KCMF1: variants seen among roughly 807,000 people sequenced by gnomAD.
The protein encoded by KCMF1 is E3 ubiquitin-protein ligase KCMF1.
A neutral mutation model predicts 41.1 loss-of-function variants in KCMF1; 3 were observed. That is an observed-to-expected ratio of 0.07 (90% CI 0.03 to 0.19). KCMF1 has a LOEUF of 0.19. Ranked by LOEUF, KCMF1 falls within the 10% of genes least tolerant of loss-of-function variation. KCMF1 has a pLI of 1.00. For missense variants in KCMF1, 286 were observed against 488.9 expected (o/e 0.58, Z 3.91); for synonymous variants, 142 against 164.5 (o/e 0.86, Z 1.04).
intron 1 of KCMF1, among the ~76,000 whole-genome samples, chr2:85,002,111 TTAATAACA>T (rs1378338190): frequency 6.6e-6 from 1 of 152,222 alleles, no homozygotes; most frequent in Non-Finnish European, 1.5e-5. Context: ...ATTGATTATA[TTAATAACA>T]TTATTGCAAA....
intron 1 of KCMF1, among the ~76,000 whole-genome samples, chr2:84,982,365 A>T (rs759131017): frequency 2.7e-4 from 34 of 126,558 alleles, no homozygotes; most frequent in Admixed American, 9.7e-4. Context: ...TATATAAAGG[A>T]GTTACAGATG....
intron 2 of KCMF1, among the ~76,000 whole-genome samples, chr2:85,032,347 TTTTTATTTTTATTTTA>T (rs555472957): frequency 0.011 from 1,638 of 151,366 alleles, 24 homozygotes; most frequent in African/African-American, 0.036. Flanking sequence ...AATTTTTTTA[TTTTTATTTTTATTTTA>T]TTTTATTTTT....
chr2:84,973,973 G>A (rs553435195), intron 1 of KCMF1, among the ~76,000 whole-genome samples: 132 of 151,766 alleles, frequency 8.7e-4, no homozygotes, highest in African/African-American at 2.8e-3. Context: ...GATTACAGGC[G>A]CCTGCCACCA....
intron 1 of KCMF1, among the ~76,000 whole-genome samples, chr2:84,984,221 A>G (rs1673839644): frequency 6.6e-6 from 1 of 151,982 alleles, no homozygotes; most frequent in African/African-American, 2.4e-5. Flanking sequence ...GTAAATAAAT[A>G]ATAGAAGTTT....
At chr2:84,981,312 C>T (rs1673742948) in intron 1 of KCMF1, among the ~76,000 whole-genome samples, 1 of 151,916 alleles carries the variant, frequency 6.6e-6, no homozygotes, top group African/African-American at 2.4e-5. Context: ...GCCTCAGCCT[C>T]CCAAGTAGCT....
chr2:84,977,981 G>A (rs1019396620), intron 1 of KCMF1, among the ~76,000 whole-genome samples: 2 of 151,524 alleles, frequency 1.3e-5, no homozygotes, highest in Non-Finnish European at 2.9e-5. Context: ...TTTAGTCTGA[G>A]ATTTTAAGAT....
intron 2 of KCMF1, 32 bp downstream of exon 2, chr2:85,028,088 A>T (rs1675156856): frequency 7.0e-7 from 1 of 1,422,208 alleles, no homozygotes; most frequent in Non-Finnish European, 9.7e-7. Context: ...GAATTACATC[A>T]TTTAGAATTT....
chr2:85,050,075 T>C (rs965917269), intron 6 of KCMF1, among the ~76,000 whole-genome samples: 1 of 152,140 alleles, frequency 6.6e-6, no homozygotes, highest in African/African-American at 2.4e-5. Context: ...GCTTGAGCCC[T>C]GGAGACAGAG....
chr2:85,012,397 G>C (rs1376908986), intron 1 of KCMF1, among the ~76,000 whole-genome samples: 1 of 152,072 alleles, frequency 6.6e-6, no homozygotes, highest in African/African-American at 2.4e-5. Flanking sequence ...TTTAAATTTT[G>C]TATAATTATA....
chr2:84,971,476 A>G lies in KCMF1; in HGVS notation c.16+9A>G. On this transcript the variant is annotated intron_variant, in intron 1 of 6. Coordinates refer to ENST00000409785, the MANE Select transcript of KCMF1 (RefSeq NM_020122.5). ...GATGTCCCGACATGAAGGTGAGAGG[A>G]GCCCCCGCCCCCACCCGCACCTCCC... The G allele has an allele frequency of 7.9e-7, 1 of 1,268,804 alleles. No homozygotes were observed. The highest frequency in any genetic ancestry group is 1.0e-6 in the Non-Finnish European group (1 of 984,634). The allele number at this position is 1,268,804 out of a possible 1,614,324, so 78.6% of individuals were successfully genotyped here.
At chr2:84,998,952 ATCTATCTATCTATCTGTCTGTCTG>A (rs1674253270) in intron 1 of KCMF1, among the ~76,000 whole-genome samples, 8 of 104,318 alleles carry the variant, frequency 7.7e-5, no homozygotes, top group Admixed American at 3.7e-4. Context: ...CTATCTATCT[ATCTATCTATCTATCTGTCTGTCTG>A]TCTATCTACC....
intron 1 of KCMF1, among the ~76,000 whole-genome samples, chr2:85,004,631 A>T (rs1249679852): frequency 6.6e-6 from 1 of 152,022 alleles, no homozygotes; most frequent in Non-Finnish European, 1.5e-5. Context: ...AGAACAACTG[A>T]ATTTTTTGGA....
chr2:85,016,081 T>G (rs942934488), intron 1 of KCMF1, among the ~76,000 whole-genome samples: 2 of 152,200 alleles, frequency 1.3e-5, no homozygotes, highest in African/African-American at 2.4e-5. Context: ...TTAAATGTTT[T>G]AAATGCTGAA....
rs944168469 is a variant in KCMF1 at position 85,021,761 on chromosome 2, G to A, written c.17-6128G>A. ...GAAATTGAGCAGAGAACATTGATTT[G>A]TCTAAGTGCTTATTGTTAATGGCTA... On this transcript the variant is annotated intron_variant, in intron 1 of 6. Transcript: ENST00000409785. 2.0e-5 allele frequency among the ~76,000 whole-genome samples: 3 copies of A among 152,128 alleles called. No homozygotes were observed. In the East Asian group the frequency reaches 5.8e-4, roughly 29 times the overall value.
In KCMF1 at chr2:85,046,252, A is replaced by G. The variant is rs1379263069; in HGVS notation, c.575A>G (p.Asn192Ser). ...SSSQSSYSPS[N>S]REAMDPIAEL... ...TCTCAGAGTTCATATTCTCCAAGCA[A>G]TAGGGAAGCCATGGATCCTATAGCT... Residue 192 changes from asparagine to serine, a missense_variant, in exon 5 of 7, where the codon AAT becomes AGT. Asn to Ser is a conservative substitution (Grantham distance 46, BLOSUM62 1). This residue lies in a region of KCMF1 where 191 missense variants were observed against 279.3 expected (regional missense o/e 0.68). Transcript: ENST00000409785. 1.9e-6 allele frequency: 3 copies of G among 1,612,948 alleles called. No individual in the cohort carries two copies. The highest frequency in any genetic ancestry group is 3.3e-5 in the Admixed American group (2 of 59,866).
rs1490958183 is a variant in KCMF1, at chr2:85,056,421, A to G, written c.*3012A>G. 6.6e-6 allele frequency: 1 copy of G among 152,184 alleles called. No individual in the cohort carries two copies. Among genetic ancestry groups the G allele is most frequent in the African/African-American group, 2.4e-5 (1 of 41,454 alleles). The allele number at this position is 152,184 out of a possible 1,614,324, so 9.4% of individuals were successfully genotyped here. A position where few individuals can be genotyped will look rare whatever the true frequency, so the allele number is the denominator to read the frequency against. ...TGGGCCACAGTTAAAAGAACGGGTA[A>G]CAGGTTCAGAGTTCTCTTGATACGT... On this transcript the variant is annotated 3_prime_UTR_variant, in exon 7 of 7. Transcript: ENST00000409785.
chr2:84,993,202 A>G (rs1477568175), intron 1 of KCMF1, among the ~76,000 whole-genome samples: 5 of 151,852 alleles, frequency 3.3e-5, no homozygotes, highest in Admixed American at 3.3e-4. Flanking sequence ...AAAAAAAAAG[A>G]AAAGAAACAG....
chr2:85,046,809 C>T (rs1558586921), intron 5 of KCMF1, among the ~76,000 whole-genome samples: 1 of 152,034 alleles, frequency 6.6e-6, no homozygotes, highest in Non-Finnish European at 1.5e-5. Flanking sequence ...AGTAGTCCCC[C>T]CGTCATGTGG....
intron 1 of KCMF1, among the ~76,000 whole-genome samples, chr2:84,976,017 CTTACT>C (rs1673534755): frequency 6.6e-6 from 1 of 152,150 alleles, no homozygotes; most frequent in Non-Finnish European, 1.5e-5. Context: ...GATGCAGCTC[CTTACT>C]TTAAGTCTGG....
Sources: gnomAD v4.1 joint callset for allele counts (sites outside exome capture counted in the v4.1 genomes callset) on GRCh38, gnomAD v4.1.1 for gene constraint, gnomAD v4.1.1 regional missense constraint, MANE v1.5 for transcripts, NCBI Gene and HGNC (gene_info 2026-07-23, HGNC 2026-07-21) for gene names.